ALG8: variants seen among roughly 807,000 people sequenced by gnomAD.
ALG8 encodes ALG8 alpha-1,3-glucosyltransferase.
In ALG8, 48 loss-of-function variants were observed where a neutral mutation model predicts 70.2. That is an observed-to-expected ratio of 0.68 (90% confidence interval 0.54 to 0.87). The LOEUF is 0.87. Ranked by LOEUF, ALG8 falls within the 40% of genes least tolerant of loss-of-function variation. The pLI is 0.00. For synonymous variants in ALG8, 234 were observed against 229.0 expected (o/e 1.02, Z -0.20); for missense variants, 572 against 608.7 (o/e 0.94, Z 0.64).
At chr11:78,136,670 T>C (rs1409444583) in intron 1 of ALG8, among the ~76,000 whole-genome samples, 1 of 152,218 alleles carries the variant, frequency 6.6e-6, no homozygotes, top group African/African-American at 2.4e-5. Context: ...AGATTTAGCA[T>C]AAGTCTTAAG....
intron 8 of ALG8, among the ~76,000 whole-genome samples, chr11:78,111,645 T>TACAC (rs201727835): frequency 1.3e-5 from 2 of 148,186 alleles, no homozygotes; most frequent in South Asian, 2.2e-4. Flanking sequence ...CAGACACACA[T>TACAC]ACACACACAC....
chr11:78,106,777 A>G (rs370752318), intron 10 of ALG8, 30 bp downstream of exon 10: 1 of 1,613,484 alleles, frequency 6.2e-7, no homozygotes, highest in Non-Finnish European at 8.5e-7. Context: ...AAATATGCCA[A>G]AATGCTCACT....
At chr11:78,122,071 TC>T (rs1860844944) in intron 3 of ALG8, among the ~76,000 whole-genome samples, 1 of 152,182 alleles carries the variant, frequency 6.6e-6, no homozygotes, top group Admixed American at 6.5e-5. Flanking sequence ...TGTGTGCTTT[TC>T]CAAAGTTTTT....
intron 5 of ALG8, among the ~76,000 whole-genome samples, chr11:78,115,760 T>C (rs1860534313): frequency 6.6e-6 from 1 of 152,230 alleles, no homozygotes; most frequent in African/African-American, 2.4e-5. Context: ...TACTAAGCCT[T>C]ATGCTGAGAT....
chr11:78,113,467 C>G (rs995107210), intron 7 of ALG8, among the ~76,000 whole-genome samples: 2 of 152,104 alleles, frequency 1.3e-5, no homozygotes, highest in Non-Finnish European at 2.9e-5. Flanking sequence ...AATCCCAGCA[C>G]GTTGGGAGGC....
intron 3 of ALG8, among the ~76,000 whole-genome samples, chr11:78,121,539 T>G (rs1860824841): frequency 7.0e-6 from 1 of 142,722 alleles, no homozygotes; most frequent in African/African-American, 2.7e-5. Context: ...GGCGACATAG[T>G]AAGACCTTCT....
chr11:78,114,268 G>T lies in ALG8; in HGVS notation c.671C>A (p.Pro224Gln), dbSNP rs752295244. Residue 224 changes from proline to glutamine, a missense_variant and splice_region_variant, in exon 6 of 13, where the codon CCA becomes CAA. Physicochemically the swap from Pro to Gln is moderately conservative, Grantham distance 76. Transcript: ENST00000299626. ...LRSYCFTANK[P>Q]DGSIRWKSFS... Reference sequence around the variant, plus strand: ...TTGCTATTATTACCAAAACTTGCCTGGTTTATTTGCAGTGAAACAGTAGGA... The same window carrying T: ...TTGCTATTATTACCAAAACTTGCCTTGTTTATTTGCAGTGAAACAGTAGGA... 6.2e-6 allele frequency: 10 copies of T among 1,613,946 alleles called. No individual in the cohort carries two copies. Among genetic ancestry groups the T allele is most frequent in the Non-Finnish European group, 6.8e-6 (8 of 1,180,002 alleles).
rs145198241 is a variant in ALG8 at position 78,109,749 on chromosome 11, C to G, written c.899-168G>C. On this transcript the variant is annotated intron_variant, in intron 8 of 12. Transcript: ENST00000299626. Reference sequence around the variant, plus strand: ...CTATACTATTCTACCCAAAATGCCTCTGGTCTTAAGATTATAATATATAAA... The same window carrying G: ...CTATACTATTCTACCCAAAATGCCTGTGGTCTTAAGATTATAATATATAAA... 0.013 allele frequency among the ~76,000 whole-genome samples: 2,027 copies of G among 152,232 alleles called. 53 individuals carry two copies. The highest frequency in any genetic ancestry group is 0.045 in the African/African-American group (1,875 of 41,532).
intron 9 of ALG8, among the ~76,000 whole-genome samples, chr11:78,109,001 C>G (rs1423323700): frequency 6.6e-6 from 1 of 152,160 alleles, no homozygotes; most frequent in African/African-American, 2.4e-5. Flanking sequence ...CTCAAAAAGC[C>G]TTTGTCGACT....
At chr11:78,121,306 A>G (rs562139) in intron 3 of ALG8, 132 bp from the exon 4 acceptor site, 2 of 714,234 alleles carry the variant, frequency 2.8e-6, no homozygotes, top group Non-Finnish European at 4.8e-6. Context: ...TTTTTTTTCC[A>G]ATTTTTCTTT....
At chr11:78,121,333 G>A in intron 3 of ALG8, 159 bp from the exon 4 acceptor site, 1 of 652,492 alleles carries the variant, frequency 1.5e-6, no homozygotes, top group East Asian at 2.8e-5. Flanking sequence ...TTTTAGAAGG[G>A]ATGGGGTATC....
rs1379263151 is a variant in ALG8 at position 78,106,862 on chromosome 11, T to C, written c.1123A>G (p.Met375Val). 10 of 1,613,938 alleles carry C rather than the reference T, an allele frequency of 6.2e-6. No individual in the cohort carries two copies. Among genetic ancestry groups the C allele is most frequent in the Non-Finnish European group, 8.5e-6 (10 of 1,180,004 alleles). Residue 375 changes from methionine to valine, a missense_variant, in exon 10 of 13, where the codon ATG (methionine) becomes GTG (valine). Met to Val is a conservative substitution (Grantham distance 21, BLOSUM62 1). Transcript: ENST00000299626. ...CLTLCALSSFMFGWHVHEKAI... is the reference protein window; with the variant it reads ...CLTLCALSSFVFGWHVHEKAI... ...TTTTCATGAACATGCCACCCAAACATAAAGGAGCTCAAGGCACAAAGAGTT... is the reference window on the plus strand; with the variant it reads ...TTTTCATGAACATGCCACCCAAACACAAAGGAGCTCAAGGCACAAAGAGTT...
At chr11:78,127,601 T>A (rs1473097059) in intron 1 of ALG8, among the ~76,000 whole-genome samples, 165 bp from the exon 2 acceptor site, 2 of 152,194 alleles carry the variant, frequency 1.3e-5, no homozygotes, top group Non-Finnish European at 2.9e-5. Context: ...ACCTCATTTA[T>A]CTGGAGGTCA....
At chr11:78,130,213 G>A (rs1861244425) in intron 1 of ALG8, among the ~76,000 whole-genome samples, 1 of 151,970 alleles carries the variant, frequency 6.6e-6, no homozygotes, top group Non-Finnish European at 1.5e-5. Context: ...GCCAGGCATG[G>A]CGGCACGCCC....
chr11:78,110,165 G>T (rs952560224), intron 8 of ALG8, among the ~76,000 whole-genome samples: 3 of 151,770 alleles, frequency 2.0e-5, no homozygotes, highest in Non-Finnish European at 2.9e-5. Context: ...AAGCAGAACT[G>T]ATTTTCTTGT....
At chr11:78,124,461 C>G (rs1860975443) in intron 2 of ALG8, among the ~76,000 whole-genome samples, 1 of 152,096 alleles carries the variant, frequency 6.6e-6, no homozygotes, top group African/African-American at 2.4e-5. Flanking sequence ...AACAAACGAA[C>G]AAAAATCACA....
intron 2 of ALG8, 114 bp from the exon 3 acceptor site, chr11:78,124,328 C>T (rs944697230): frequency 3.3e-5 from 36 of 1,076,846 alleles, no homozygotes; most frequent in African/African-American, 7.8e-5. Context: ...TAAGGCTGGG[C>T]GTGGTAGCTC....
chr11:78,132,987 C>T (rs1336791611), intron 1 of ALG8, among the ~76,000 whole-genome samples: 2 of 152,060 alleles, frequency 1.3e-5, no homozygotes, highest in African/African-American at 2.4e-5. Flanking sequence ...CACGCGCCCA[C>T]CACCACACCC....
chr11:78,138,758 A>G (rs1223824995), intron 1 of ALG8: 1 of 456,352 alleles, frequency 2.2e-6, no homozygotes, highest in South Asian at 1.5e-5. Context: ...CCACGCTTTC[A>G]GTCTTGGCCC....
Sources: gnomAD v4.1 joint callset for allele counts (sites outside exome capture counted in the v4.1 genomes callset) on GRCh38, gnomAD v4.1.1 for gene constraint, MANE v1.5 for transcripts, NCBI Gene and HGNC (gene_info 2026-07-23, HGNC 2026-07-21) for gene names.